PAK1IP1: variants seen among roughly 807,000 people sequenced by gnomAD.
PAK1IP1 encodes PAK1 interacting protein 1.
In PAK1IP1, 24 loss-of-function variants were observed where a neutral mutation model predicts 42.0. The ratio of observed to expected loss-of-function variants is 0.57; its 90% CI spans 0.41 to 0.80. PAK1IP1 has a LOEUF of 0.80. Among genes scored for constraint, PAK1IP1 ranks in the 30% least tolerant of loss-of-function variants. PAK1IP1 has a pLI of 0.00. For synonymous variants in PAK1IP1, 154 were observed against 156.7 expected (o/e 0.98, Z 0.13); for missense variants, 411 against 467.9 (o/e 0.88, Z 1.12).
At chr6:10,694,586 GCTAC>G, upstream of PAK1IP1, 33 of 185,666 alleles carry the variant, frequency 1.8e-4, no homozygotes, top group South Asian at 4.1e-4. Flanking sequence ...CGCTGCCGGC[GCTAC>G]AGCCCCTAAG....
At position 10,704,510 on chromosome 6, in the gene PAK1IP1, C is replaced by A; in HGVS notation, c.500C>A (p.Ala167Asp). ...SAFIKNIKQN[A>D]HIVEWSPRGE... ...CTTCGTTTTTTTCCACTTACAGATGCTCACATAGTAGAATGGTCCCCAAGA... is the reference window on the plus strand; with the variant it reads ...CTTCGTTTTTTTCCACTTACAGATGATCACATAGTAGAATGGTCCCCAAGA... The change falls in exon 6 of 10, where the codon GCT becomes GAT. Residue 167 changes from alanine (A) to aspartate (D), a missense_variant. By Grantham distance (126) the Ala-to-Asp change is moderately radical. Coordinates refer to ENST00000379568, the MANE Select transcript of PAK1IP1 (RefSeq NM_017906.3). 1 of 1,558,660 alleles carries A rather than the reference C, an allele frequency of 6.4e-7. No homozygotes were observed. Among genetic ancestry groups the A allele is most frequent in the Non-Finnish European group, 8.7e-7 (1 of 1,150,418 alleles).
At chr6:10,694,903 G>GTTT (rs878881986), upstream of PAK1IP1, 1,714 of 621,898 alleles carry the variant, frequency 2.8e-3, 9 homozygotes, top group African/African-American at 0.017. Context: ...GGAGTCAGGT[G>GTTT]TTTTTTTTTT....
chr6:10,694,910 T>TTG (rs1769739209), upstream of PAK1IP1: 3 of 903,382 alleles, frequency 3.3e-6, no homozygotes, highest in Admixed American at 7.8e-5. Context: ...GGTGTTTTTT[T>TTG]TTTTTTTTTT....
chr6:10,706,698 C>T (rs1770212387), intron 7 of PAK1IP1, among the ~76,000 whole-genome samples: 1 of 152,050 alleles, frequency 6.6e-6, no homozygotes, highest in African/African-American at 2.4e-5. Flanking sequence ...GCCTGACCAA[C>T]ATGGTGAAAC....
At chr6:10,707,038 G>A (rs925534582) in intron 7 of PAK1IP1, among the ~76,000 whole-genome samples, 15 of 152,306 alleles carry the variant, frequency 9.8e-5, no homozygotes, top group South Asian at 2.1e-4. Flanking sequence ...GAGGGAAATG[G>A]ATGTGTGGGA....
chr6:10,704,714 C>T, intron 6 of PAK1IP1, 33 bp from the exon 7 acceptor site: 1 of 1,595,470 alleles, frequency 6.3e-7, no homozygotes, highest in Non-Finnish European at 8.6e-7. Context: ...TGATGACATT[C>T]TGGATGTTAT....
chr6:10,699,016 A>C (rs111624406), intron 2 of PAK1IP1, among the ~76,000 whole-genome samples: 12,244 of 151,882 alleles, frequency 0.081, 1,475 homozygotes, highest in African/African-American at 0.26. Flanking sequence ...CTGGCTAACA[A>C]GGAGAAACCC....
intron 2 of PAK1IP1, among the ~76,000 whole-genome samples, chr6:10,701,849 G>A (rs1259826024): frequency 6.6e-6 from 1 of 152,182 alleles, no homozygotes; most frequent in African/African-American, 2.4e-5. Flanking sequence ...GTTCAAATCT[G>A]TATCTAAACT....
upstream of PAK1IP1, chr6:10,694,590 C>G: frequency 1.2e-5 from 2 of 172,398 alleles, no homozygotes; most frequent in South Asian, 2.3e-4. Context: ...GCCGGCGCTA[C>G]AGCCCCTAAG....
Position 10,707,525 on chromosome 6 carries a change from C to G in PAK1IP1, c.840+11C>G. On this transcript the variant is annotated intron_variant, in intron 8 of 9. Transcript: ENST00000379568. ...CTTAAGCAGGATAAGGTCAGTGCTT[C>G]AACACAATCTAAATGTACTTTAATA... The G allele has an allele frequency of 6.8e-7, 1 of 1,474,516 alleles. No homozygotes were observed. The highest frequency in any genetic ancestry group is 9.5e-7 in the Non-Finnish European group (1 of 1,052,734). The allele number at this position is 1,474,516 out of a possible 1,614,324, so 91.3% of individuals were successfully genotyped here. A position where few individuals can be genotyped will look rare whatever the true frequency, so the allele number is the denominator to read the frequency against.
chr6:10,698,034 T>A (rs2127478858), intron 2 of PAK1IP1, among the ~76,000 whole-genome samples: 1 of 152,230 alleles, frequency 6.6e-6, no homozygotes, highest in South Asian at 2.1e-4. Context: ...AAAAGAGAAA[T>A]GTCAGTTATT....
At chr6:10,698,533 G>C (rs1399688661) in intron 2 of PAK1IP1, among the ~76,000 whole-genome samples, 1 of 152,202 alleles carries the variant, frequency 6.6e-6, no homozygotes, top group Non-Finnish European at 1.5e-5. Context: ...GGGAGTTTGA[G>C]GGGCTAGAGA....
intron 4 of PAK1IP1, among the ~76,000 whole-genome samples, 163 bp from the exon 5 acceptor site, chr6:10,703,242 C>G (rs1770093242): frequency 6.6e-6 from 1 of 152,024 alleles, no homozygotes; most frequent in South Asian, 2.1e-4. Context: ...AAGTCTTAAT[C>G]CTGCCTCATA....
upstream of PAK1IP1, among the ~76,000 whole-genome samples, chr6:10,693,981 G>A (rs1160113944): frequency 6.6e-6 from 1 of 152,138 alleles, no homozygotes; most frequent in African/African-American, 2.4e-5. Flanking sequence ...GGCTCTGGCC[G>A]GGCGCTGTGG....
At position 10,709,375 on chromosome 6, in the gene PAK1IP1, A is replaced by G. The variant is rs749199819; in HGVS notation, c.1102A>G (p.Ile368Val). ...GAAAGCAACAAAAGAAAGTGGCCTGATATCAACCAAGAAGAGGAAAATGGT... is the reference window on the plus strand; with the variant it reads ...GAAAGCAACAAAAGAAAGTGGCCTGGTATCAACCAAGAAGAGGAAAATGGT... ...SKKATKESGL[I>V]STKKRKMVEM... The change falls in exon 10 of 10, where the codon ATA (isoleucine) becomes GTA (valine). Residue 368 changes from isoleucine to valine, a missense_variant. Ile to Val is a conservative substitution (Grantham distance 29). Coordinates refer to ENST00000379568, the MANE Select transcript of PAK1IP1 (RefSeq NM_017906.3). 1.7e-5 allele frequency: 27 copies of G among 1,613,898 alleles called. No homozygotes were observed. The highest frequency in any genetic ancestry group is 2.2e-5 in the Non-Finnish European group (26 of 1,179,948).
chr6:10,701,731 A>C (rs1770033683), intron 2 of PAK1IP1, among the ~76,000 whole-genome samples: 1 of 152,216 alleles, frequency 6.6e-6, no homozygotes, highest in South Asian at 2.1e-4. Flanking sequence ...TGTTCCCCAG[A>C]TTAGCTTGTT....
At chr6:10,700,633 A>C (rs953428575) in intron 2 of PAK1IP1, among the ~76,000 whole-genome samples, 1 of 152,132 alleles carries the variant, frequency 6.6e-6, no homozygotes, top group African/African-American at 2.4e-5. Context: ...AGTTTGTTAC[A>C]AAGAAGGCTT....
chr6:10,706,002 G>A (rs1770191986), intron 7 of PAK1IP1, among the ~76,000 whole-genome samples: 1 of 152,138 alleles, frequency 6.6e-6, no homozygotes, highest in Non-Finnish European at 1.5e-5. Flanking sequence ...TATTCATTGA[G>A]CATCATTATG....
rs1581585109 is a variant in PAK1IP1 at position 10,704,781 on chromosome 6, T to G, written c.677T>G (p.Val226Gly). The change falls in exon 7 of 10, where the codon GTT becomes GGT. Residue 226 changes from valine to glycine, a missense_variant. Coordinates refer to ENST00000379568, the MANE Select transcript of PAK1IP1 (RefSeq NM_017906.3). The stretch of plus-strand genomic sequence containing the variant: ...CTTGCAGTGGCTGGAGATGAAGAAG[T>G]TATAAGGTTTTTTGACTGTGATTCA... ...SVLAVAGDEE[V>G]IRFFDCDSLV... 2 of 1,613,746 alleles carry G rather than the reference T, an allele frequency of 1.2e-6. No individual in the cohort carries two copies. The highest frequency in any genetic ancestry group is 4.5e-5 in the East Asian group (2 of 44,876).
Sources: allele counts gnomAD v4.1 joint callset (sites outside exome capture counted in the v4.1 genomes callset), GRCh38; gene constraint gnomAD v4.1.1; transcripts MANE v1.5; gene names NCBI Gene and HGNC (gene_info 2026-07-23, HGNC 2026-07-21).